NAV2: variants seen among roughly 807,000 people sequenced by gnomAD.
The protein encoded by NAV2 is helicase, APC down-regulated 1.
A neutral mutation model predicts 223.2 loss-of-function variants in NAV2; 54 were observed. The ratio of observed to expected loss-of-function variants is 0.24; its 90% CI spans 0.19 to 0.30. The LOEUF is 0.30. Among genes scored for constraint, NAV2 ranks in the 10% least tolerant of loss-of-function variants. The probability of loss-of-function intolerance (pLI) is 1.00; values close to 1 mark genes in which losing one functional copy is unlikely to be tolerated. For missense variants in NAV2, 2,806 were observed against 3,147.5 expected, an observed-to-expected ratio of 0.89 and a Z score of 2.60; for synonymous variants, 1,279 against 1,239.3, an observed-to-expected ratio of 1.03 and a Z score of -0.67.
At chr11:20,099,721 T>G (rs563313841) in intron 31 of NAV2, among the ~76,000 whole-genome samples, 14 of 152,328 alleles carry the variant, frequency 9.2e-5, no homozygotes, top group African/African-American at 2.9e-4. Flanking sequence ...TGACTTTGCA[T>G]TTCCTCAAGT....
intron 1 of NAV2, among the ~76,000 whole-genome samples, chr11:19,370,723 C>A (rs190136853): frequency 6.6e-6 from 1 of 152,194 alleles, no homozygotes; most frequent in South Asian, 2.1e-4. Flanking sequence ...GATAACATGG[C>A]GCCTGTGCTT....
At chr11:19,374,179 A>G (rs1474679205) in intron 1 of NAV2, among the ~76,000 whole-genome samples, 1 of 152,022 alleles carries the variant, frequency 6.6e-6, no homozygotes, top group Non-Finnish European at 1.5e-5. Flanking sequence ...TTCACACATA[A>G]TCTTGCTTTC....
At chr11:19,989,011 A>G (rs1279606420) in intron 11 of NAV2, among the ~76,000 whole-genome samples, 2 of 152,204 alleles carry the variant, frequency 1.3e-5, no homozygotes, top group Non-Finnish European at 1.5e-5. Flanking sequence ...TTATTTCTGA[A>G]GCATAGTCCC....
intron 1 of NAV2, among the ~76,000 whole-genome samples, chr11:19,510,366 G>C (rs1169544297): frequency 6.6e-6 from 1 of 152,180 alleles, no homozygotes; most frequent in African/African-American, 2.4e-5. Context: ...ACCTACATGA[G>C]AGCCAGTTCT....
chr11:20,039,470 C>A (rs559152084), intron 12 of NAV2, among the ~76,000 whole-genome samples: 1 of 152,158 alleles, frequency 6.6e-6, no homozygotes, highest in African/African-American at 2.4e-5. Context: ...CCCTTCCCAG[C>A]CCCTGCCACC....
chr11:19,440,812 T>A (rs1273114638), intron 1 of NAV2, among the ~76,000 whole-genome samples: 1 of 152,162 alleles, frequency 6.6e-6, no homozygotes, highest in Non-Finnish European at 1.5e-5. Flanking sequence ...ACCTTCACCC[T>A]CCCTCAACAA....
intron 1 of NAV2, among the ~76,000 whole-genome samples, chr11:19,565,695 G>A (rs1240823257): frequency 6.6e-6 from 1 of 152,094 alleles, no homozygotes; most frequent in Non-Finnish European, 1.5e-5. Context: ...GACTACTACA[G>A]CCCACTCCCT....
chr11:19,533,708 T>TATCCACAGACACAC (rs2044097529), intron 1 of NAV2, among the ~76,000 whole-genome samples: 1 of 106,884 alleles, frequency 9.4e-6, no homozygotes, highest in African/African-American at 6.2e-5. Flanking sequence ...GGAACTATCT[T>TATCCACAGACACAC]TTTTTTTTTT....
chr11:19,363,726 G>T (rs578031814), intron 1 of NAV2, among the ~76,000 whole-genome samples: 1 of 152,192 alleles, frequency 6.6e-6, no homozygotes, highest in Non-Finnish European at 1.5e-5. Context: ...GATGCCAATT[G>T]CATGTCTAGA....
chr11:19,570,770 T>TA (rs1425120929), intron 1 of NAV2, among the ~76,000 whole-genome samples: 2 of 152,310 alleles, frequency 1.3e-5, no homozygotes, highest in African/African-American at 2.4e-5. Flanking sequence ...CTACAATTTT[T>TA]AAAAAATTGA....
At chr11:19,378,525 GC>G (rs1848720345) in intron 1 of NAV2, among the ~76,000 whole-genome samples, 1 of 151,920 alleles carries the variant, frequency 6.6e-6, no homozygotes, top group Admixed American at 6.6e-5. Flanking sequence ...TTAATAAAGA[GC>G]GGCGCCTCAC....
In NAV2 at chr11:19,424,452, C is replaced by CA. The variant is rs374460380; in HGVS notation, c.75+73425_75+73426insA. ...TGGCATTCATCAAAGATTTGACTGTCGAAATTAAAGGTTCCTCCACATTCT... is the reference window on the plus strand; with the variant it reads ...TGGCATTCATCAAAGATTTGACTGTCAGAAATTAAAGGTTCCTCCACATTCT... On this transcript the variant is annotated intron_variant, in intron 1 of 37. Transcript: ENST00000360655. Among the ~76,000 whole-genome samples the CA allele has an allele frequency of 1.3e-3, 199 of 152,220 alleles. 1 individual carries two copies. Among genetic ancestry groups the CA allele is most frequent in the African/African-American group, 4.5e-3 (185 of 41,550 alleles).
chr11:19,625,308 G>C (rs1212776506), intron 1 of NAV2, among the ~76,000 whole-genome samples: 1 of 152,142 alleles, frequency 6.6e-6, no homozygotes, highest in African/African-American at 2.4e-5. Context: ...ATATTAGTGA[G>C]AAAATGCAGT....
chr11:19,542,595 A>G (rs1234378445), intron 1 of NAV2, among the ~76,000 whole-genome samples: 1 of 152,244 alleles, frequency 6.6e-6, no homozygotes, highest in Non-Finnish European at 1.5e-5. Flanking sequence ...GTCATGAAGT[A>G]GATTTTATTA....
intron 1 of NAV2, among the ~76,000 whole-genome samples, chr11:19,773,218 A>C (rs2055862681): frequency 6.6e-6 from 1 of 152,174 alleles, no homozygotes; most frequent in Non-Finnish European, 1.5e-5. Context: ...GAAGCATGGG[A>C]GGCAGACATG....
At chr11:19,665,146 G>C (rs1466073372) in intron 1 of NAV2, among the ~76,000 whole-genome samples, 2 of 152,216 alleles carry the variant, frequency 1.3e-5, no homozygotes, top group Non-Finnish European at 1.5e-5. Flanking sequence ...AGCCATTGCA[G>C]AGCCTGATGC....
intron 22 of NAV2, among the ~76,000 whole-genome samples, chr11:20,072,314 A>G (rs1464467891): frequency 6.6e-6 from 1 of 152,216 alleles, no homozygotes; most frequent in Non-Finnish European, 1.5e-5. Flanking sequence ...TTTTGGTACC[A>G]GTACCATGCT....
At chr11:19,621,285 G>A (rs2046986730) in intron 1 of NAV2, among the ~76,000 whole-genome samples, 1 of 151,868 alleles carries the variant, frequency 6.6e-6, no homozygotes, top group Admixed American at 6.6e-5. Context: ...TAATTAGGGT[G>A]GATTCCCTCT....
chr11:19,550,360 C>T (rs1241836662), intron 1 of NAV2, among the ~76,000 whole-genome samples: 1 of 152,210 alleles, frequency 6.6e-6, no homozygotes, highest in Non-Finnish European at 1.5e-5. Context: ...TTATTAAGCA[C>T]ATACTGTGTA....
Sources: gnomAD v4.1 joint callset for allele counts (sites outside exome capture counted in the v4.1 genomes callset) on GRCh38, gnomAD v4.1.1 for gene constraint, MANE v1.5 for transcripts, NCBI Gene and HGNC (gene_info 2026-07-23, HGNC 2026-07-21) for gene names.